Variants in KIF27 observed in about 807,000 individuals in gnomAD.
KIF27 encodes kinesin-like protein KIF27.
A neutral mutation model predicts 141.8 loss-of-function variants in KIF27; 84 were observed. The observed-to-expected ratio is 0.59, with a 90% CI of 0.50 to 0.71. KIF27 has a LOEUF of 0.71. Ranked by LOEUF, KIF27 falls within the 30% of genes least tolerant of loss-of-function variation. KIF27 has a pLI of 0.00. For missense variants in KIF27, 1,306 were observed against 1,628.4 expected (o/e 0.80, Z 3.41); for synonymous variants, 471 against 569.5 (o/e 0.83, Z 2.46).
chr9:83,862,588 T>C lies in KIF27; in HGVS notation c.2935-3217A>G, dbSNP rs1381835808. On this transcript the variant is annotated intron_variant, in intron 13 of 17. Coordinates refer to ENST00000297814, the MANE Select transcript of KIF27 (RefSeq NM_017576.4). ...TTTTGGTTACTGTAGCCTTGTAGTA[T>C]AGTTTGAAGTCAGGTAGCGTGATGC... Among the ~76,000 whole-genome samples, 28 of 152,316 alleles carry C rather than the reference T, an allele frequency of 1.8e-4. No homozygotes were observed. The East Asian group carries it at 4.8e-3, about 26-fold the overall frequency.
At chr9:83,842,136 A>G (rs1028621526) in intron 17 of KIF27, 101 bp downstream of exon 17, 1 of 1,332,326 alleles carries the variant, frequency 7.5e-7, no homozygotes, top group African/African-American at 1.5e-5. Context: ...ATCTAATCCT[A>G]AATAACCCAG....
chr9:83,848,464 CTATATGTATATATACATATAGATATG>C (rs915469231), intron 16 of KIF27, among the ~76,000 whole-genome samples: 2 of 137,736 alleles, frequency 1.5e-5, no homozygotes, highest in African/African-American at 2.7e-5. Flanking sequence ...ATATCTATAT[CTATATGTATATATACATATAGATATG>C]TATATATCTA....
chr9:83,878,040 T>C (rs1355160903), intron 11 of KIF27, among the ~76,000 whole-genome samples: 1 of 151,592 alleles, frequency 6.6e-6, no homozygotes, highest in African/African-American at 2.4e-5. Flanking sequence ...GGCGGGTGCC[T>C]GTAGTCCCAG....
intron 5 of KIF27, among the ~76,000 whole-genome samples, chr9:83,893,993 T>C (rs1022029690): frequency 2.0e-5 from 3 of 152,094 alleles, no homozygotes; most frequent in Non-Finnish European, 4.4e-5. Flanking sequence ...TAAAAGACTA[T>C]CATAAACAAA....
chr9:83,915,202 T>C, intron 2 of KIF27, 92 bp downstream of exon 2: 2 of 965,860 alleles, frequency 2.1e-6, no homozygotes, highest in Non-Finnish European at 3.1e-6. Context: ...ATTCAATCAA[T>C]ATGCTAAACA....
intron 9 of KIF27, among the ~76,000 whole-genome samples, chr9:83,885,295 G>T (rs1160261561): frequency 2.0e-5 from 3 of 152,096 alleles, no homozygotes; most frequent in African/African-American, 7.2e-5. Context: ...GTTTCACCAT[G>T]TTGGCCAGGC....
rs1414611669 is a variant in KIF27 at position 83,842,089 on chromosome 9, T to C, written c.3721+148A>G. 4 of 919,422 alleles carry C rather than the reference T, an allele frequency of 4.4e-6. No homozygotes were observed. The South Asian group carries it at 9.3e-5, about 21-fold the overall frequency. 57.0% of individuals were successfully genotyped at this position (919,422 alleles called of 1,614,324 possible). ...ATTCACTTCTCATGTGGTTCTACTT[T>C]AGACAACGATTTTTGTTTACAGAGA... is the stretch of plus-strand genomic sequence containing the variant. On this transcript the variant is annotated intron_variant, in intron 17 of 17. Coordinates refer to ENST00000297814, the MANE Select transcript of KIF27 (RefSeq NM_017576.4).
In KIF27 at chr9:83,903,696, T is replaced by G. The variant is rs1432578382; in HGVS notation, c.822A>C (p.Leu274Phe). The G allele has an allele frequency of 1.2e-6, 2 of 1,614,050 alleles. No homozygotes were observed. The highest frequency in any genetic ancestry group is 2.2e-5 in the East Asian group (1 of 44,898). The part of the protein sequence containing the change: ...SIQINSGLLA[L>F]GNVISALGDP... ...CCCCAAGAGCGCTTATTACATTTCC[T>G]AAAGCCAGCAATCCACTATTGATTT... Residue 274 changes from leucine to phenylalanine, a missense_variant, in exon 4 of 18, where the codon TTA becomes TTC. Coordinates refer to ENST00000297814, the MANE Select transcript of KIF27 (RefSeq NM_017576.4).
chr9:83,911,725 G>A (rs1955188434), intron 2 of KIF27, among the ~76,000 whole-genome samples: 1 of 152,126 alleles, frequency 6.6e-6, no homozygotes, highest in Non-Finnish European at 1.5e-5. Context: ...TGTATTTATA[G>A]TAGAGATGGG....
In KIF27 at chr9:83,908,559, A is replaced by G; in HGVS notation, c.392T>C (p.Val131Ala). Residue 131 changes from valine to alanine, a missense_variant, in exon 3 of 18, where the codon GTA (valine) becomes GCA (alanine). Around this residue, in one of 4 missense-constraint regions of KIF27, gnomAD observed 533 missense variants for 565.6 expected, o/e 0.94. Transcript: ENST00000297814. The stretch of plus-strand genomic sequence containing the variant: ...GTACACTTCTATATAAGATACTTTT[A>G]CATTAAAGTCAATGCTAGGATGTTC... ...ISEHPSIDFNVKVSYIEVYKE... is the reference protein window; with the variant it reads ...ISEHPSIDFNAKVSYIEVYKE... 1.2e-6 allele frequency: 2 copies of G among 1,610,768 alleles called. No individual in the cohort carries two copies. Among genetic ancestry groups the G allele is most frequent in the Non-Finnish European group, 1.7e-6 (2 of 1,177,286 alleles).
In KIF27 at chr9:83,834,568, G is replaced by C. The variant is rs1945594479; in HGVS notation, c.*2433C>G. Among the ~76,000 whole-genome samples, 1 of 151,954 alleles carries C rather than the reference G, an allele frequency of 6.6e-6. No homozygotes were observed. The highest frequency in any genetic ancestry group is 6.6e-5 in the Admixed American group (1 of 15,258). ...TAGTGAGTTGGCTTTGAGGAAATGTGTATTTCCACAGGTAAAACAAGTATG... is the reference window on the plus strand; with the variant it reads ...TAGTGAGTTGGCTTTGAGGAAATGTCTATTTCCACAGGTAAAACAAGTATG... On this transcript the variant is annotated 3_prime_UTR_variant, in exon 18 of 18. Transcript: ENST00000297814.
rs558368025 is a variant in KIF27 at position 83,884,961 on chromosome 9, C to T, written c.2240-943G>A. ...CTATATCTCTTGATTCTAAATCCAG[C>T]TAGTGACCCTAAAAGCTTGGTTTTG... On this transcript the variant is annotated intron_variant, in intron 9 of 17. Transcript: ENST00000297814. Among the ~76,000 whole-genome samples the T allele has an allele frequency of 3.2e-4, 49 of 152,270 alleles. 1 individual carries two copies. In the South Asian group the frequency reaches 8.9e-3, roughly 28 times the overall value.
rs372791309 is a variant in KIF27 at position 83,866,051 on chromosome 9, G to A, written c.2934+1633C>T. Among the ~76,000 whole-genome samples the A allele has an allele frequency of 3.0e-4, 45 of 151,870 alleles. No homozygotes were observed. In the South Asian group the frequency reaches 7.7e-3, roughly 26 times the overall value. Reference sequence around the variant, plus strand: ...CAGACTTGCATTCATTCCCTACCTGGAGTTTTTTTGACTTATCACAACCTT... The same window carrying A: ...CAGACTTGCATTCATTCCCTACCTGAAGTTTTTTTGACTTATCACAACCTT... On this transcript the variant is annotated intron_variant, in intron 13 of 17. Transcript: ENST00000297814.
chr9:83,888,645 C>T, intron 7 of KIF27, 53 bp from the exon 8 acceptor site: 3 of 1,022,102 alleles, frequency 2.9e-6, no homozygotes, highest in Non-Finnish European at 4.4e-6. Context: ...CTAATCTGCC[C>T]TCAAATTAGT....
At chr9:83,906,566 C>A (rs1051936343) in intron 3 of KIF27, among the ~76,000 whole-genome samples, 3 of 151,920 alleles carry the variant, frequency 2.0e-5, no homozygotes, top group Non-Finnish European at 4.4e-5. Context: ...CATGGTGAAA[C>A]CCCGTCTCTA....
chr9:83,841,287 T>A (rs1202511104), intron 17 of KIF27, among the ~76,000 whole-genome samples: 1 of 152,198 alleles, frequency 6.6e-6, no homozygotes, highest in African/African-American at 2.4e-5. Context: ...GTCAGGTTGG[T>A]CTCGAACTCC....
chr9:83,896,296 T>G (rs948545074), intron 5 of KIF27, among the ~76,000 whole-genome samples: 2 of 152,130 alleles, frequency 1.3e-5, no homozygotes, highest in African/African-American at 4.8e-5. Context: ...CTTTTCCATT[T>G]ATCTTGGGAA....
intron 16 of KIF27, among the ~76,000 whole-genome samples, chr9:83,844,264 TG>T (rs1250609447): frequency 6.6e-6 from 1 of 151,754 alleles, no homozygotes; most frequent in Non-Finnish European, 1.5e-5. Flanking sequence ...TGGGACCTTG[TG>T]ATTGTGTAAG....
At chr9:83,841,230 C>T (rs1946521873) in intron 17 of KIF27, among the ~76,000 whole-genome samples, 1 of 152,154 alleles carries the variant, frequency 6.6e-6, no homozygotes, top group Non-Finnish European at 1.5e-5. Context: ...ACCATCACAC[C>T]TGGCTAATTT....
Sources: gnomAD v4.1 joint callset for allele counts (sites outside exome capture counted in the v4.1 genomes callset) on GRCh38, gnomAD v4.1.1 for gene constraint, gnomAD v4.1.1 regional missense constraint, MANE v1.5 for transcripts, NCBI Gene and HGNC (gene_info 2026-07-23, HGNC 2026-07-21) for gene names.